Variants in DNAH5 observed in about 807,000 individuals in gnomAD.
DNAH5 encodes axonemal beta dynein heavy chain 5.
A neutral mutation model predicts 518.2 loss-of-function variants in DNAH5; 372 were observed. The ratio of observed to expected loss-of-function variants is 0.72; its 90% CI spans 0.66 to 0.78. The LOEUF (loss-of-function observed/expected upper bound fraction) is 0.78. Ranked by LOEUF, DNAH5 falls within the 30% of genes least tolerant of loss-of-function variation. DNAH5 has a pLI of 0.00. For synonymous variants in DNAH5, 2,039 were observed against 2,025.9 expected (o/e 1.01, Z -0.17); for missense variants, 5,523 against 5,687.0 (o/e 0.97, Z 0.93).
chr5:13,817,164 G>A (rs1481405064), intron 42 of DNAH5, among the ~76,000 whole-genome samples: 1 of 152,138 alleles, frequency 6.6e-6, no homozygotes, highest in Admixed American at 6.5e-5. Flanking sequence ...TGACTTTATA[G>A]AGAAATCAAT....
Position 13,737,401 on chromosome 5 carries a change from G to C in DNAH5, c.11306C>G (p.Thr3769Arg). 6.2e-7 allele frequency: 1 copy of C among 1,614,160 alleles called. No individual in the cohort carries two copies. Among genetic ancestry groups the C allele is most frequent in the Non-Finnish European group, 8.5e-7 (1 of 1,180,016 alleles). ...TTCTACCAGGGACCCCTGGGTACTT[G>C]TCAGGCGGTAAAGCAAGTTATCTTC... ...ELEDNLLYRLTSTQGSLVEDE... is the reference protein window; with the variant it reads ...ELEDNLLYRLRSTQGSLVEDE... Residue 3769 changes from threonine to arginine, a missense_variant, in exon 66 of 79, where the codon ACA becomes AGA. By Grantham distance (71) the Thr-to-Arg change is moderately conservative. Around this residue, in one of 3 missense-constraint regions of DNAH5, gnomAD observed 5,121 missense variants for 5,223.3 expected, o/e 0.98. Coordinates refer to ENST00000265104, the MANE Select transcript of DNAH5 (RefSeq NM_001369.3).
intron 47 of DNAH5, among the ~76,000 whole-genome samples, 156 bp from the exon 48 acceptor site, chr5:13,794,214 C>A (rs528135311): frequency 9.9e-5 from 15 of 152,128 alleles, no homozygotes; most frequent in Non-Finnish European, 2.2e-4. Flanking sequence ...TTCTAAAGTA[C>A]CTAAATTATC....
At position 13,753,323 on chromosome 5, in the gene DNAH5, G is replaced by A. The variant is rs2126700829; in HGVS notation, c.10782C>T (p.Val3594=). 15 of 1,613,676 alleles carry A rather than the reference G, an allele frequency of 9.3e-6. No homozygotes were observed. Among genetic ancestry groups the A allele is most frequent in the Non-Finnish European group, 1.3e-5 (15 of 1,179,620 alleles). Residue 3594 remains valine, a synonymous_variant, in exon 63 of 79, where the codon GTC becomes GTT. Coordinates refer to ENST00000265104, the MANE Select transcript of DNAH5 (RefSeq NM_001369.3). The stretch of plus-strand genomic sequence containing the variant: ...ACAAAGGGTAACGAGATGCCTTCGT[G>A]ACAATAATTCCATTTTGAATGGACA... ...DDLSIQNGII[V]TKASRYPLLI...
intron 30 of DNAH5, among the ~76,000 whole-genome samples, chr5:13,852,123 A>G (rs1326797185): frequency 6.6e-6 from 1 of 152,246 alleles, no homozygotes; most frequent in East Asian, 1.9e-4. Context: ...TTCAAGCACA[A>G]AATTCGGTGG....
At chr5:13,993,672 C>T (rs1561058085) in intron 1 of DNAH5, among the ~76,000 whole-genome samples, 1 of 152,322 alleles carries the variant, frequency 6.6e-6, no homozygotes, top group African/African-American at 2.4e-5. Context: ...AAAAGCTTCA[C>T]ATGCATGAGC....
intron 47 of DNAH5, among the ~76,000 whole-genome samples, chr5:13,806,088 C>T (rs1249431549): frequency 6.6e-6 from 1 of 151,986 alleles, no homozygotes; most frequent in Admixed American, 6.6e-5. Flanking sequence ...AAACCTTTAT[C>T]CTCAAATAAT....
At chr5:13,818,478 C>G (rs192000105) in intron 41 of DNAH5, among the ~76,000 whole-genome samples, 1 of 152,334 alleles carries the variant, frequency 6.6e-6, no homozygotes, top group East Asian at 1.9e-4. Flanking sequence ...TGCCAAAGCA[C>G]TTCCTTGCGT....
chr5:13,833,017 G>C (rs531984026), intron 35 of DNAH5, among the ~76,000 whole-genome samples: 1 of 151,988 alleles, frequency 6.6e-6, no homozygotes, highest in East Asian at 1.9e-4. Flanking sequence ...ACAATGGTAC[G>C]TGCATCAGCA....
intron 1 of DNAH5, among the ~76,000 whole-genome samples, chr5:13,989,286 T>C (rs1278333894): frequency 6.6e-6 from 1 of 152,172 alleles, no homozygotes; most frequent in Non-Finnish European, 1.5e-5. Context: ...TAAAATCATT[T>C]ACTGGAGTGC....
At chr5:13,800,585 C>T (rs760826379) in intron 47 of DNAH5, among the ~76,000 whole-genome samples, 2 of 152,176 alleles carry the variant, frequency 1.3e-5, no homozygotes, top group Non-Finnish European at 2.9e-5. Flanking sequence ...GTCTTTCTTT[C>T]TCACAGGGAT....
rs188438412 is a variant in DNAH5 at position 13,732,822 on chromosome 5, C to G, written c.11761+2309G>C. 2.8e-4 allele frequency among the ~76,000 whole-genome samples: 43 copies of G among 152,264 alleles called. No homozygotes were observed. The East Asian group carries it at 7.9e-3, about 28-fold the overall frequency. Reference sequence around the variant, plus strand: ...GGATACAAACATTTGCACCATAACACTATCTAAATAACATTTTAAATTATG... The same window carrying G: ...GGATACAAACATTTGCACCATAACAGTATCTAAATAACATTTTAAATTATG... On this transcript the variant is annotated intron_variant, in intron 68 of 78. Coordinates refer to ENST00000265104, the MANE Select transcript of DNAH5 (RefSeq NM_001369.3).
intron 50 of DNAH5, among the ~76,000 whole-genome samples, chr5:13,790,806 ATACCAGTATG>A (rs1388810851): frequency 3.3e-5 from 5 of 152,164 alleles, no homozygotes; most frequent in African/African-American, 4.8e-5. Context: ...AGCAGTTTTT[ATACCAGTATG>A]AAAACGGACT....
intron 23 of DNAH5, among the ~76,000 whole-genome samples, chr5:13,871,347 CT>C (rs35952646): frequency 6.6e-6 from 1 of 151,848 alleles, no homozygotes; most frequent in Non-Finnish European, 1.5e-5. Flanking sequence ...CTGACTTAGT[CT>C]TTTTTTCAAG....
chr5:13,971,586 T>C (rs1445843169), intron 1 of DNAH5, among the ~76,000 whole-genome samples: 1 of 152,198 alleles, frequency 6.6e-6, no homozygotes, highest in African/African-American at 2.4e-5. Context: ...GGCTATGGTC[T>C]GGTACTGGGG....
intron 55 of DNAH5, among the ~76,000 whole-genome samples, chr5:13,774,515 C>A (rs186532085): frequency 1.3e-5 from 2 of 152,066 alleles, no homozygotes; most frequent in Non-Finnish European, 2.9e-5. Flanking sequence ...AGGCTGTGGA[C>A]GAGCTTTCCT....
Position 13,866,213 on chromosome 5 carries a change from A to T in DNAH5, c.4116+7T>A. 3 of 1,613,020 alleles carry T rather than the reference A, an allele frequency of 1.9e-6. No homozygotes were observed. Among genetic ancestry groups the T allele is most frequent in the Non-Finnish European group, 2.5e-6 (3 of 1,179,210 alleles). On this transcript the variant is annotated splice_region_variant and intron_variant, in intron 26 of 78. Transcript: ENST00000265104. ...GTTTAGAAAGTCATAGAAACTAAAA[A>T]GATTACCTGAAACATGATAAGCCTG...
Position 13,776,684 on chromosome 5 carries a change from T to G in DNAH5, c.9128A>C (p.Asp3043Ala). ...SGEVSNLFAR[D>A]EIDEINSDLA... ...GTCGCTATTAATTTCATCAATTTCATCTCGAGCAAATAGGTTAGAGACCTT... is the reference window on the plus strand; with the variant it reads ...GTCGCTATTAATTTCATCAATTTCAGCTCGAGCAAATAGGTTAGAGACCTT... Residue 3043 changes from aspartate (D) to alanine (A), a missense_variant, in exon 55 of 79, where the codon GAT becomes GCT. Transcript: ENST00000265104. The G allele has an allele frequency of 3.1e-6, 5 of 1,613,682 alleles. No homozygotes were observed. The highest frequency in any genetic ancestry group is 4.2e-6 in the Non-Finnish European group (5 of 1,179,768).
At position 13,911,401 on chromosome 5, in the gene DNAH5, C is replaced by T. The variant is rs1452356883; in HGVS notation, c.1629G>A (p.Gln543=). Residue 543 remains glutamine, a synonymous_variant, in exon 12 of 79, where the codon CAG becomes CAA. Transcript: ENST00000265104. ...TACAACCTACATGAAGGTCATTAGTCTGCTTGCAAAACTCTTCGTAATCTT... is the reference window on the plus strand; with the variant it reads ...TACAACCTACATGAAGGTCATTAGTTTGCTTGCAAAACTCTTCGTAATCTT... ...FDQDYEEFCK[Q]TNDLHNELRK... is the part of the protein sequence containing the mutation. The T allele has an allele frequency of 6.2e-7, 1 of 1,613,548 alleles. No individual in the cohort carries two copies. The highest frequency in any genetic ancestry group is 2.2e-5 in the East Asian group (1 of 44,862).
intron 1 of DNAH5, among the ~76,000 whole-genome samples, chr5:13,933,789 C>CAAAAAA (rs533169329): frequency 3.6e-5 from 3 of 82,374 alleles, no homozygotes; most frequent in Non-Finnish European, 7.2e-5. Context: ...GACTCCACCT[C>CAAAAAA]AAAAAAAAAA....
Sources: allele counts gnomAD v4.1 joint callset (sites outside exome capture counted in the v4.1 genomes callset), GRCh38; gene constraint gnomAD v4.1.1; regional missense constraint gnomAD v4.1.1; transcripts MANE v1.5; gene names NCBI Gene and HGNC (gene_info 2026-07-23, HGNC 2026-07-21).